Variants in SIL1 observed in about 807,000 individuals in gnomAD.
SIL1 encodes SIL1 nucleotide exchange factor.
A neutral mutation model predicts 49.1 loss-of-function variants in SIL1; 40 were observed. The observed-to-expected ratio is 0.81, with a 90% CI of 0.63 to 1.06. SIL1 has a LOEUF of 1.06. Ranked by LOEUF, SIL1 falls within the 50% of genes least tolerant of loss-of-function variation. The pLI, the probability that SIL1 is intolerant of heterozygous loss-of-function variation, is 0.00. For synonymous variants in SIL1, 253 were observed against 250.8 expected (o/e 1.01, Z -0.08); for missense variants, 500 against 572.6 (o/e 0.87, Z 1.29).
chr5:139,040,834 G>A (rs1293525764), intron 5 of SIL1, among the ~76,000 whole-genome samples: 1 of 151,924 alleles, frequency 6.6e-6, no homozygotes, highest in Non-Finnish European at 1.5e-5. Context: ...TAATCTCTTG[G>A]TTATACATTT....
At chr5:139,118,902 C>T (rs1429326971) in intron 3 of SIL1, among the ~76,000 whole-genome samples, 6 of 152,186 alleles carry the variant, frequency 3.9e-5, no homozygotes, top group African/African-American at 1.4e-4. Context: ...ACAAGCCTCC[C>T]ACCTAACCTC....
At chr5:139,153,864 G>A (rs926303786) in intron 1 of SIL1, among the ~76,000 whole-genome samples, 1 of 152,184 alleles carries the variant, frequency 6.6e-6, no homozygotes, top group Non-Finnish European at 1.5e-5. Context: ...TCTTTCCACA[G>A]TACCCCAAGC....
intron 6 of SIL1, among the ~76,000 whole-genome samples, chr5:139,025,583 G>T (rs958316787): frequency 3.9e-5 from 6 of 152,040 alleles, no homozygotes; most frequent in Non-Finnish European, 8.8e-5. Flanking sequence ...TAGGATCAAG[G>T]CTAAAATCAT....
chr5:139,039,264 C>T (rs542445880), intron 5 of SIL1, among the ~76,000 whole-genome samples: 4 of 152,266 alleles, frequency 2.6e-5, no homozygotes, highest in South Asian at 2.1e-4. Context: ...TGGCTCCTGG[C>T]GACCCTGGTG....
intron 6 of SIL1, among the ~76,000 whole-genome samples, chr5:139,025,405 TA>T (rs1192799089): frequency 6.6e-6 from 1 of 152,036 alleles, no homozygotes; most frequent in African/African-American, 2.4e-5. Context: ...TCCTCGGTTA[TA>T]AAATGGGATT....
At chr5:139,148,691 G>C (rs891264849) in intron 1 of SIL1, among the ~76,000 whole-genome samples, 11 of 152,166 alleles carry the variant, frequency 7.2e-5, no homozygotes, top group African/African-American at 2.7e-4. Flanking sequence ...GAGCAACAAG[G>C]GTGTGAGAGA....
chr5:138,972,664 C>G (rs557339128), intron 7 of SIL1, among the ~76,000 whole-genome samples: 1 of 152,336 alleles, frequency 6.6e-6, no homozygotes, highest in African/African-American at 2.4e-5. Flanking sequence ...ACAAACTGAG[C>G]TCACACAATT....
intron 4 of SIL1, among the ~76,000 whole-genome samples, chr5:139,046,418 G>C (rs569388049): frequency 1.5e-4 from 23 of 152,126 alleles, no homozygotes; most frequent in African/African-American, 5.5e-4. Flanking sequence ...CACATGATCT[G>C]GCCCCCACAT....
At chr5:139,042,592 T>C in intron 5 of SIL1, 28 bp downstream of exon 5, 3 of 1,595,028 alleles carry the variant, frequency 1.9e-6, no homozygotes, top group Non-Finnish European at 2.6e-6. Flanking sequence ...GCTGCAGGCT[T>C]ATACTCACAG....
chr5:139,136,300 C>T (rs1750972932), intron 1 of SIL1, among the ~76,000 whole-genome samples: 1 of 152,306 alleles, frequency 6.6e-6, no homozygotes, highest in Non-Finnish European at 1.5e-5. Context: ...TGGAACTTAT[C>T]AATGGATCCA....
Position 139,121,112 on chromosome 5 carries a change from G to A in SIL1, c.167C>T (p.Thr56Ile), listed in dbSNP as rs1291429838. ...SSTKETERKE[T>I]KAEEELDAEV... ...GGCATCCAGCTCCTCCTCGGCTTTG[G>A]TTTCTTTTCTCTCTGTTTCTTTGGT... The change falls in exon 3 of 10, where the codon ACC becomes ATC. Residue 56 changes from threonine to isoleucine, a missense_variant. Physicochemically the swap from Thr to Ile is moderately conservative, Grantham distance 89 (BLOSUM62 -1). Coordinates refer to ENST00000394817, the MANE Select transcript of SIL1 (RefSeq NM_022464.5). The A allele has an allele frequency of 6.2e-7, 1 of 1,614,058 alleles. No homozygotes were observed. The highest frequency in any genetic ancestry group is 2.2e-5 in the East Asian group (1 of 44,900).
rs549860588 is a variant in SIL1, at chr5:138,986,406, C to A, written c.768-34522G>T. On this transcript the variant is annotated intron_variant, in intron 7 of 9. Transcript: ENST00000394817. ...CACGGACTCTGATTGATTTAGGACG[C>A]AACTTGCACAAATACCTGTAATCTA... Among the ~76,000 whole-genome samples the A allele has an allele frequency of 5.9e-5, 9 of 152,322 alleles. No homozygotes were observed. In the South Asian group the frequency reaches 1.7e-3, roughly 28 times the overall value.
intron 3 of SIL1, among the ~76,000 whole-genome samples, chr5:139,087,563 G>A (rs1000047095): frequency 1.3e-5 from 2 of 152,060 alleles, no homozygotes; most frequent in Non-Finnish European, 2.9e-5. Flanking sequence ...AAAATAAGAT[G>A]ACTGCTGATG....
At chr5:139,078,292 T>G (rs1271736527) in intron 3 of SIL1, among the ~76,000 whole-genome samples, 2 of 152,072 alleles carry the variant, frequency 1.3e-5, no homozygotes, top group Non-Finnish European at 2.9e-5. Context: ...AAAAAAAAAT[T>G]TTTTAAGTTA....
chr5:138,975,199 G>T (rs983251168), intron 7 of SIL1, among the ~76,000 whole-genome samples: 1 of 152,196 alleles, frequency 6.6e-6, no homozygotes. Context: ...GAAGCCTATA[G>T]GAAGGGGCTG....
chr5:139,055,201 A>G (rs551600769), intron 3 of SIL1, among the ~76,000 whole-genome samples: 1 of 152,294 alleles, frequency 6.6e-6, no homozygotes, highest in East Asian at 1.9e-4. Flanking sequence ...ATCCTAGCCT[A>G]GAAAACCCAT....
intron 1 of SIL1, among the ~76,000 whole-genome samples, chr5:139,142,601 T>C (rs1458075607): frequency 2.6e-5 from 4 of 151,872 alleles, no homozygotes; most frequent in African/African-American, 9.7e-5. Flanking sequence ...CCTTTCATAA[T>C]AAAAAATACC....
At chr5:139,050,852 A>G (rs1581059644) in intron 4 of SIL1, 86 bp downstream of exon 4, 1 of 1,112,786 alleles carries the variant, frequency 9.0e-7, no homozygotes, top group Admixed American at 1.7e-5. Context: ...AAAAAAAGCC[A>G]CATGAATTTG....
In SIL1 at chr5:138,996,895, C is replaced by CA. The variant is rs759405231; in HGVS notation, c.767+24275dup. ...GCCTGTGCTTTTGAGGTCTTACACA[C>CA]AAAAAAATCTTTGCCCAGAACAATG... On this transcript the variant is annotated intron_variant, in intron 7 of 9. Transcript: ENST00000394817. Among the ~76,000 whole-genome samples, 84 of 152,058 alleles carry CA rather than the reference C, an allele frequency of 5.5e-4. 1 individual carries two copies. Among genetic ancestry groups the CA allele is most frequent in the Non-Finnish European group, 1.2e-3 (80 of 68,018 alleles).
Sources: gnomAD v4.1 joint callset for allele counts (sites outside exome capture counted in the v4.1 genomes callset) on GRCh38, gnomAD v4.1.1 for gene constraint, MANE v1.5 for transcripts, NCBI Gene and HGNC (gene_info 2026-07-23, HGNC 2026-07-21) for gene names.